Variants in COL21A1 observed in about 807,000 individuals in gnomAD.
COL21A1 encodes collagen type XXI alpha 1 chain, also known as collagen alpha-1(XXI) chain.
COL21A1 carries 149 observed loss-of-function variants against 137.9 expected under a neutral mutation model. The observed-to-expected ratio is 1.08, with a 90% CI of 0.95 to 1.24. The LOEUF (loss-of-function observed/expected upper bound fraction) is 1.24, where lower values mean the gene tolerates loss of function less well. COL21A1 is among the 50% of genes most tolerant of loss of function. The pLI, the probability that COL21A1 is intolerant of heterozygous loss-of-function variation, is 0.00. For missense variants in COL21A1, 1,167 were observed against 1,158.4 expected (o/e 1.01, Z -0.11); for synonymous variants, 456 against 391.5 (o/e 1.16, Z -1.95).
chr6:56,351,195 G>A (rs76621375), intron 1 of COL21A1, among the ~76,000 whole-genome samples: 4,384 of 152,310 alleles, frequency 0.029, 200 homozygotes, highest in African/African-American at 0.1. Flanking sequence ...TAGCAGCACT[G>A]CTAAACTCTC....
chr6:56,167,133 T>G (rs1183237013), intron 6 of COL21A1, 150 bp from the exon 7 acceptor site: 2 of 627,176 alleles, frequency 3.2e-6, no homozygotes, highest in Non-Finnish European at 5.6e-6. Context: ...AATACAAAAT[T>G]TTAATACTTT....
chr6:56,087,006 C>G (rs1012025006), intron 17 of COL21A1, among the ~76,000 whole-genome samples: 1 of 152,106 alleles, frequency 6.6e-6, no homozygotes, highest in Admixed American at 6.6e-5. Flanking sequence ...GATTTGGTGT[C>G]TGTTACCTCT....
intron 1 of COL21A1, among the ~76,000 whole-genome samples, chr6:56,294,225 T>C (rs929498810): frequency 2.6e-5 from 4 of 152,140 alleles, no homozygotes; most frequent in African/African-American, 4.8e-5. Context: ...TCTACTGCCT[T>C]TGTGAATTTA....
chr6:56,371,291 A>G (rs72875567), intron 1 of COL21A1, among the ~76,000 whole-genome samples: 4,642 of 152,316 alleles, frequency 0.03, 112 homozygotes, highest in Non-Finnish European at 0.048. Context: ...TTTAGGGACT[A>G]CATTTGTACA....
intron 1 of COL21A1, among the ~76,000 whole-genome samples, chr6:56,379,718 G>T (rs150060728): frequency 1.3e-3 from 193 of 152,210 alleles, no homozygotes; most frequent in African/African-American, 4.6e-3. Flanking sequence ...ATAGGATTTC[G>T]TATTTAATAT....
intron 1 of COL21A1, among the ~76,000 whole-genome samples, chr6:56,240,244 T>A (rs1782206140): frequency 6.6e-6 from 1 of 151,770 alleles, no homozygotes; most frequent in African/African-American, 2.4e-5. Context: ...AAAGCTGTTA[T>A]AAAAGAGGTT....
intron 1 of COL21A1, among the ~76,000 whole-genome samples, chr6:56,262,534 G>C (rs2152330998): frequency 6.6e-6 from 1 of 152,270 alleles, no homozygotes; most frequent in Admixed American, 6.5e-5. Context: ...AATGTGTCAG[G>C]AAAGAAGGAG....
At chr6:56,071,820 C>A (rs970606673) in intron 20 of COL21A1, among the ~76,000 whole-genome samples, 6 of 151,486 alleles carry the variant, frequency 4.0e-5, no homozygotes, top group Non-Finnish European at 5.9e-5. Context: ...TAATTATTAT[C>A]TTTTTAAGTT....
chr6:56,307,147 C>A (rs538707492), intron 1 of COL21A1, among the ~76,000 whole-genome samples: 2 of 152,316 alleles, frequency 1.3e-5, no homozygotes, highest in Non-Finnish European at 1.5e-5. Context: ...GGGGATGCCT[C>A]CCAGTTAGGC....
At chr6:56,060,539 A>G (rs937685008) in intron 27 of COL21A1, 4 of 494,534 alleles carry the variant, frequency 8.1e-6, no homozygotes, top group Non-Finnish European at 1.4e-5. Context: ...GCAAAATAAT[A>G]AATGTCTTTA....
Position 56,060,001 on chromosome 6 carries a change from T to G in COL21A1, c.2608+17A>C, listed in dbSNP as rs1765658274. The G allele has an allele frequency of 6.4e-7, 1 of 1,562,700 alleles. No homozygotes were observed. Among genetic ancestry groups the G allele is most frequent in the South Asian group, 1.2e-5 (1 of 83,356 alleles). ...GACTTTTTAAAATTCATTTTCTTGT[T>G]GAAACTAACTGCATACCTTTTAATC... On this transcript the variant is annotated intron_variant, in intron 28 of 29. Transcript: ENST00000244728.
chr6:56,392,053 A>C (rs1049619317), intron 1 of COL21A1, among the ~76,000 whole-genome samples: 1 of 152,144 alleles, frequency 6.6e-6, no homozygotes, highest in Non-Finnish European at 1.5e-5. Flanking sequence ...GACACAACAA[A>C]AGAAGAAAAC....
At chr6:56,386,379 G>A (rs753582950) in intron 1 of COL21A1, among the ~76,000 whole-genome samples, 1 of 152,210 alleles carries the variant, frequency 6.6e-6, no homozygotes, top group Non-Finnish European at 1.5e-5. Flanking sequence ...GCTATACATA[G>A]TGTTTGGGTG....
At chr6:56,268,035 G>C (rs1003891347) in intron 1 of COL21A1, among the ~76,000 whole-genome samples, 11 of 152,136 alleles carry the variant, frequency 7.2e-5, no homozygotes, top group Admixed American at 1.3e-4. Flanking sequence ...AGATCCCAAG[G>C]GTCTGGAAGA....
intron 1 of COL21A1, among the ~76,000 whole-genome samples, chr6:56,336,372 G>A (rs1243727903): frequency 6.6e-6 from 1 of 152,138 alleles, no homozygotes; most frequent in East Asian, 1.9e-4. Flanking sequence ...CGAAGATATG[G>A]AGTATCCTGT....
intron 1 of COL21A1, among the ~76,000 whole-genome samples, chr6:56,234,917 A>G (rs1005598993): frequency 3.0e-5 from 3 of 99,954 alleles, no homozygotes; most frequent in African/African-American, 1.2e-4. Flanking sequence ...CAGAAAACAC[A>G]ACATCTTCCC....
chr6:56,345,012 G>A (rs755049154), intron 1 of COL21A1, among the ~76,000 whole-genome samples: 2 of 152,110 alleles, frequency 1.3e-5, no homozygotes, highest in African/African-American at 2.4e-5. Flanking sequence ...AGTATCCTTC[G>A]AATTACACAA....
At chr6:56,194,027 A>G (rs894584565) in intron 1 of COL21A1, among the ~76,000 whole-genome samples, 1 of 152,140 alleles carries the variant, frequency 6.6e-6, no homozygotes, top group African/African-American at 2.4e-5. Context: ...GTGAGCCACC[A>G]TGGCCAGCTG....
intron 1 of COL21A1, among the ~76,000 whole-genome samples, chr6:56,325,012 T>A (rs1278367209): frequency 1.3e-5 from 2 of 151,190 alleles, no homozygotes; most frequent in Non-Finnish European, 2.9e-5. Context: ...TCTCCTAGTT[T>A]ATTACCATTA....
Sources: gnomAD v4.1 joint callset for allele counts (sites outside exome capture counted in the v4.1 genomes callset) on GRCh38, gnomAD v4.1.1 for gene constraint, MANE v1.5 for transcripts, NCBI Gene and HGNC (gene_info 2026-07-23, HGNC 2026-07-21) for gene names.